KITLG: variants seen among roughly 807,000 people sequenced by gnomAD.
The protein encoded by KITLG is c-Kit ligand.
Under a neutral mutation model 34.1 loss-of-function variants are expected in KITLG, and 13 were observed. The ratio of observed to expected loss-of-function variants is 0.38; its 90% CI spans 0.25 to 0.61. The LOEUF is 0.61. Among genes scored for constraint, KITLG ranks in the 20% least tolerant of loss-of-function variants. The pLI, the probability that KITLG is intolerant of heterozygous loss-of-function variation, is 0.60. For missense variants in KITLG, 292 were observed against 318.9 expected, an observed-to-expected ratio of 0.92 and a Z score of 0.64; for synonymous variants, 110 against 104.0, an observed-to-expected ratio of 1.06 and a Z score of -0.35.
intron 6 of KITLG, among the ~76,000 whole-genome samples, chr12:88,508,243 C>A (rs1196186169): frequency 6.6e-6 from 1 of 151,730 alleles, no homozygotes; most frequent in East Asian, 1.9e-4. Flanking sequence ...ACACATCTCC[C>A]ACAAGGGTCT....
chr12:88,558,577 C>A (rs1443714437), intron 1 of KITLG, among the ~76,000 whole-genome samples: 2 of 152,306 alleles, frequency 1.3e-5, no homozygotes, highest in East Asian at 3.9e-4. Context: ...ATGGAATAAA[C>A]TGTTAAAATG....
At chr12:88,550,259 T>C (rs1187375307) in intron 1 of KITLG, among the ~76,000 whole-genome samples, 1 of 152,112 alleles carries the variant, frequency 6.6e-6, no homozygotes, top group African/African-American at 2.4e-5. Context: ...AGAGTTTTAT[T>C]TGTAAGAAGG....
intron 2 of KITLG, among the ~76,000 whole-genome samples, chr12:88,545,186 C>T (rs1870675360): frequency 6.6e-6 from 1 of 152,114 alleles, no homozygotes; most frequent in Admixed American, 6.6e-5. Flanking sequence ...CAAATGCTTT[C>T]GCTGAGGGAA....
At chr12:88,558,236 C>A (rs1332717067) in intron 1 of KITLG, among the ~76,000 whole-genome samples, 1 of 151,838 alleles carries the variant, frequency 6.6e-6, no homozygotes, top group African/African-American at 2.4e-5. Context: ...TTTAGTCTCA[C>A]AAGACCTTTT....
intron 1 of KITLG, among the ~76,000 whole-genome samples, chr12:88,557,814 T>C (rs1414871277): frequency 2.6e-5 from 4 of 152,054 alleles, no homozygotes; most frequent in Non-Finnish European, 5.9e-5. Flanking sequence ...CGGGCACCGT[T>C]TACTCTTATG....
chr12:88,506,965 A>G (rs988395286), intron 7 of KITLG, 63 bp downstream of exon 7: 13 of 934,926 alleles, frequency 1.4e-5, no homozygotes, highest in Non-Finnish European at 2.3e-5. Context: ...TTTCTTGAGG[A>G]AAAAAAGATG....
Position 88,499,344 on chromosome 12 carries a change from C to T in KITLG, c.*38-2163G>A, listed in dbSNP as rs372136177. On this transcript the variant is annotated intron_variant, in intron 9 of 9. Coordinates refer to ENST00000644744, the MANE Select transcript of KITLG (RefSeq NM_000899.5). Reference sequence around the variant, plus strand: ...AAGCCTTGAGGCCTAAATTTCCAAGCTTGTCTTCAGCTTGTCCTTTATTCC... The same window carrying T: ...AAGCCTTGAGGCCTAAATTTCCAAGTTTGTCTTCAGCTTGTCCTTTATTCC... 9.2e-5 allele frequency among the ~76,000 whole-genome samples: 14 copies of T among 152,286 alleles called. No homozygotes were observed. The East Asian group carries it at 2.1e-3, about 23-fold the overall frequency.
rs531403102 is a variant in KITLG at position 88,519,745 on chromosome 12, C to T, written c.193-878G>A. 6.6e-4 allele frequency among the ~76,000 whole-genome samples: 100 copies of T among 152,120 alleles called. 2 individuals carry two copies. The South Asian group carries it at 0.018, about 27-fold the overall frequency. ...CCAAGTGATCTTCCCACTTCAGCCT[C>T]CCAAGTAGCTGGCACTACAAGGCGC... is the stretch of plus-strand genomic sequence containing the variant. On this transcript the variant is annotated intron_variant, in intron 3 of 9. Coordinates refer to ENST00000644744, the MANE Select transcript of KITLG (RefSeq NM_000899.5).
At chr12:88,528,728 T>C (rs1391800228) in intron 3 of KITLG, among the ~76,000 whole-genome samples, 3 of 152,178 alleles carry the variant, frequency 2.0e-5, no homozygotes, top group Admixed American at 6.6e-5. Context: ...CATGCATACA[T>C]AGAAAGAAAG....
intron 9 of KITLG, among the ~76,000 whole-genome samples, chr12:88,501,749 CACAT>C (rs1264108081): frequency 6.6e-6 from 1 of 152,144 alleles, no homozygotes. Context: ...TACTCATAGA[CACAT>C]ACAAGTTTAT....
At chr12:88,577,704 T>G (rs1425108132) in intron 1 of KITLG, among the ~76,000 whole-genome samples, 3 of 152,206 alleles carry the variant, frequency 2.0e-5, no homozygotes, top group African/African-American at 4.8e-5. Context: ...TTATTGCCTG[T>G]GTCATTATAT....
chr12:88,516,473 G>A lies in KITLG; in HGVS notation c.381C>T (p.Phe127=). ...TAAAGAGCCTGGGTTCTGGGCTCTT[G>A]AATGATTTTTTTAGATCCTAGAAGA... The part of the protein sequence containing the change: ...ENSSKDLKKS[F]KSPEPRLFTP... The change falls in exon 5 of 10, where the codon TTC becomes TTT. Residue 127 remains phenylalanine, a synonymous_variant. Transcript: ENST00000644744. The A allele has an allele frequency of 1.9e-6, 3 of 1,600,700 alleles. No individual in the cohort carries two copies. Among genetic ancestry groups the A allele is most frequent in the Middle Eastern group, 2.0e-4 (1 of 4,900 alleles).
chr12:88,570,913 C>T (rs1463067037), intron 1 of KITLG, among the ~76,000 whole-genome samples: 2 of 152,142 alleles, frequency 1.3e-5, no homozygotes, highest in Non-Finnish European at 2.9e-5. Context: ...ATTCAGTAAG[C>T]TGCTCTTACT....
chr12:88,505,229 C>T lies in KITLG; in HGVS notation c.789G>A (p.Leu263=). 1 of 1,609,754 alleles carries T rather than the reference C, an allele frequency of 6.2e-7. No individual in the cohort carries two copies. The highest frequency in any genetic ancestry group is 8.5e-7 in the Non-Finnish European group (1 of 1,176,342). ...CTTGAAACTCTCTCTCTTTCTCTTGCAACATACTGAAAAACAATAAGAAAA... is the reference window on the plus strand; with the variant it reads ...CTTGAAACTCTCTCTCTTTCTCTTGTAACATACTGAAAAACAATAAGAAAA... The part of the protein sequence containing the change: ...INEEDNEISM[L]QEKEREFQEV Residue 263 remains leucine (L), a synonymous_variant, in exon 9 of 10, where the codon TTG becomes TTA. Transcript: ENST00000644744.
At chr12:88,535,436 T>A (rs1870275022) in intron 2 of KITLG, among the ~76,000 whole-genome samples, 2 of 152,200 alleles carry the variant, frequency 1.3e-5, no homozygotes, top group South Asian at 4.1e-4. Context: ...AAGCTTATTT[T>A]ACAAATGAGG....
At position 88,497,007 on chromosome 12, in the gene KITLG, T is replaced by C. The variant is rs1170941029; in HGVS notation, c.*212A>G. ...CCTGCTCCATGCAAGTTCTTCTTTA[T>C]AGATGATTAATTCAGTGCCAGTTTC... On this transcript the variant is annotated 3_prime_UTR_variant, in exon 10 of 10. Transcript: ENST00000644744. 1 of 299,998 alleles carries C rather than the reference T, an allele frequency of 3.3e-6. No individual in the cohort carries two copies. The highest frequency in any genetic ancestry group is 6.7e-6 in the Non-Finnish European group (1 of 149,786). 18.6% of individuals were successfully genotyped at this position (299,998 alleles called of 1,614,324 possible).
At chr12:88,545,564 T>C (rs1418967210) in intron 2 of KITLG, among the ~76,000 whole-genome samples, 188 bp downstream of exon 2, 1 of 152,160 alleles carries the variant, frequency 6.6e-6, no homozygotes, top group Non-Finnish European at 1.5e-5. Context: ...TACCAACAAA[T>C]TATCCATGAC....
intron 1 of KITLG, among the ~76,000 whole-genome samples, chr12:88,560,490 A>T (rs916633241): frequency 2.0e-5 from 3 of 152,206 alleles, no homozygotes; most frequent in Non-Finnish European, 4.4e-5. Flanking sequence ...GGAAAGTGAA[A>T]TAAAGAGGTT....
chr12:88,546,192 A>G (rs1277594692), intron 1 of KITLG, among the ~76,000 whole-genome samples: 5 of 152,204 alleles, frequency 3.3e-5, no homozygotes, highest in Non-Finnish European at 5.9e-5. Context: ...TAAAAACTAG[A>G]GAATGCATAA....
Sources: allele counts gnomAD v4.1 joint callset (sites outside exome capture counted in the v4.1 genomes callset), GRCh38; gene constraint gnomAD v4.1.1; transcripts MANE v1.5; gene names NCBI Gene and HGNC (gene_info 2026-07-23, HGNC 2026-07-21).